ERBB4: variants seen among roughly 807,000 people sequenced by gnomAD.
ERBB4 encodes receptor tyrosine-protein kinase erbB-4.
ERBB4 carries 42 observed loss-of-function variants against 158.0 expected under a neutral mutation model. That is an observed-to-expected ratio of 0.27 (90% CI 0.21 to 0.34). ERBB4 has a LOEUF of 0.34. Among genes scored for constraint, ERBB4 ranks in the 10% least tolerant of loss-of-function variants. The pLI, the probability that ERBB4 is intolerant of heterozygous loss-of-function variation, is 1.00. For missense variants in ERBB4, 1,333 were observed against 1,624.1 expected (o/e 0.82, Z 3.08); for synonymous variants, 583 against 558.7 (o/e 1.04, Z -0.61).
intron 10 of ERBB4, among the ~76,000 whole-genome samples, chr2:211,704,833 A>G (rs1017699185): frequency 3.9e-5 from 6 of 152,332 alleles, no homozygotes; most frequent in African/African-American, 1.2e-4. Context: ...GGCTTTCAAA[A>G]TGTGCATAAA....
At chr2:211,580,795 T>C (rs1310412069) in intron 19 of ERBB4, among the ~76,000 whole-genome samples, 1 of 66,568 alleles carries the variant, frequency 1.5e-5, no homozygotes, top group African/African-American at 1.5e-4. Context: ...GTGATATATA[T>C]ATATATATAT....
At chr2:212,152,380 A>G (rs893902632) in intron 1 of ERBB4, among the ~76,000 whole-genome samples, 2 of 152,202 alleles carry the variant, frequency 1.3e-5, no homozygotes, top group Non-Finnish European at 2.9e-5. Flanking sequence ...CCAGGACTCT[A>G]ATGAATATTA....
At chr2:212,361,127 G>T (rs1261627904) in intron 1 of ERBB4, among the ~76,000 whole-genome samples, 2 of 151,544 alleles carry the variant, frequency 1.3e-5, no homozygotes, top group Admixed American at 6.6e-5. Context: ...GGTCCATAAA[G>T]AATTTGAACC....
intron 3 of ERBB4, among the ~76,000 whole-genome samples, chr2:211,871,330 T>G (rs888568514): frequency 3.9e-5 from 6 of 152,026 alleles, no homozygotes; most frequent in African/African-American, 1.5e-4. Flanking sequence ...AAAATCTATT[T>G]CTAAAATAAA....
At chr2:211,878,658 T>TTTTTG (rs67064030) in intron 3 of ERBB4, among the ~76,000 whole-genome samples, 19 of 21,884 alleles carry the variant, frequency 8.7e-4, no homozygotes, top group Non-Finnish European at 1.6e-3. Flanking sequence ...TTAAGTTTTG[T>TTTTTG]TTTTTTTTTT....
At chr2:212,260,534 T>A (rs998107497) in intron 1 of ERBB4, among the ~76,000 whole-genome samples, 3 of 152,228 alleles carry the variant, frequency 2.0e-5, no homozygotes, top group South Asian at 4.1e-4. Context: ...AAGTAGGCCC[T>A]CTGCGCAGTG....
intron 20 of ERBB4, among the ~76,000 whole-genome samples, chr2:211,449,477 T>C (rs552884674): frequency 1.6e-4 from 25 of 152,220 alleles, no homozygotes; most frequent in Non-Finnish European, 3.1e-4. Context: ...AATGTGCTAA[T>C]TGTTCTTTTC....
intron 16 of ERBB4, among the ~76,000 whole-genome samples, chr2:211,642,215 T>G (rs2070621830): frequency 6.6e-6 from 1 of 152,120 alleles, no homozygotes; most frequent in South Asian, 2.1e-4. Flanking sequence ...AGTCTCTGTC[T>G]CTTCACTAAA....
rs12471583 is a variant in ERBB4 at position 211,379,993 on chromosome 2, T to C, written c.*3622A>G. ...GTAAGTATGCACAATCTTCATGCCA[T>C]GTCTTTCCTTTAGAAGGTATTAGCT... On this transcript the variant is annotated 3_prime_UTR_variant, in exon 28 of 28. Coordinates refer to ENST00000342788, the MANE Select transcript of ERBB4 (RefSeq NM_005235.3). 0.27 allele frequency: 62,921 copies of C among 231,682 alleles called. 9,286 individuals are homozygous for C. The highest frequency in any genetic ancestry group is 0.49 in the South Asian group (2,716 of 5,500). 14.4% of individuals were successfully genotyped at this position (231,682 alleles called of 1,614,324 possible). A position where few individuals can be genotyped will look rare whatever the true frequency, so the allele number is the denominator to read the frequency against.
Position 211,699,765 on chromosome 2 carries a change from T to C in ERBB4, c.1489+2202A>G, listed in dbSNP as rs79452694. 8.3e-4 allele frequency among the ~76,000 whole-genome samples: 126 copies of C among 152,278 alleles called. 2 individuals carry two copies. The East Asian group carries it at 0.022, about 27-fold the overall frequency. On this transcript the variant is annotated intron_variant, in intron 12 of 27. Coordinates refer to ENST00000342788, the MANE Select transcript of ERBB4 (RefSeq NM_005235.3). ...AATCCAAGAAGCATAACACTGAAAGTTTAAACACATTTTATATTTTAGCTT... is the reference window on the plus strand; with the variant it reads ...AATCCAAGAAGCATAACACTGAAAGCTTAAACACATTTTATATTTTAGCTT...
intron 2 of ERBB4, among the ~76,000 whole-genome samples, chr2:212,101,706 C>T (rs935748784): frequency 2.6e-5 from 4 of 151,840 alleles, no homozygotes; most frequent in African/African-American, 9.7e-5. Flanking sequence ...AAACATTGTT[C>T]AAGGCCAAGA....
intron 25 of ERBB4, among the ~76,000 whole-genome samples, chr2:211,415,695 A>ATAAAG (rs1461176440): frequency 6.6e-6 from 1 of 152,214 alleles, no homozygotes; most frequent in Non-Finnish European, 1.5e-5. Context: ...ATGGTGTAAA[A>ATAAAG]TAAAGTAGAG....
intron 1 of ERBB4, among the ~76,000 whole-genome samples, chr2:212,240,547 C>T (rs932592560): frequency 2.2e-5 from 3 of 139,188 alleles, no homozygotes; most frequent in East Asian, 2.3e-4. Context: ...GCAGGAGAAT[C>T]GTTTGAACCC....
At chr2:211,708,723 T>C (rs1335782815) in intron 9 of ERBB4, among the ~76,000 whole-genome samples, 4 of 152,018 alleles carry the variant, frequency 2.6e-5, no homozygotes, top group Non-Finnish European at 5.9e-5. Context: ...TGCCAGGCAC[T>C]GGGCTGAGCA....
chr2:212,329,952 A>G (rs1030725195), intron 1 of ERBB4, among the ~76,000 whole-genome samples: 3 of 152,090 alleles, frequency 2.0e-5, no homozygotes, highest in Admixed American at 6.6e-5. Flanking sequence ...GTTCTAAAAG[A>G]GTCCACTGAA....
chr2:212,217,537 T>TA (rs1463243781), intron 1 of ERBB4, among the ~76,000 whole-genome samples: 1 of 151,192 alleles, frequency 6.6e-6, no homozygotes, highest in African/African-American at 2.4e-5. Context: ...GCTATGTCTC[T>TA]AGAGGGTAGC....
intron 2 of ERBB4, among the ~76,000 whole-genome samples, chr2:212,003,208 AGAAAGAAGGAAG>A (rs1179662064): frequency 3.5e-4 from 13 of 36,692 alleles, no homozygotes; most frequent in African/African-American, 6.3e-4. Flanking sequence ...AAAGAAAGAC[AGAAAGAAGGAAG>A]GAAGGAAGGA....
intron 4 of ERBB4, among the ~76,000 whole-genome samples, chr2:211,781,554 T>C (rs1299549269): frequency 1.3e-5 from 2 of 152,214 alleles, no homozygotes; most frequent in Non-Finnish European, 1.5e-5. Flanking sequence ...GACAACCTTC[T>C]AGTTACTAAA....
At chr2:211,813,957 A>T (rs1197423860) in intron 3 of ERBB4, among the ~76,000 whole-genome samples, 3 of 152,154 alleles carry the variant, frequency 2.0e-5, no homozygotes, top group Admixed American at 1.3e-4. Context: ...TAAAATGCCA[A>T]ATATTGAAAA....
Sources: allele counts gnomAD v4.1 joint callset (sites outside exome capture counted in the v4.1 genomes callset), GRCh38; gene constraint gnomAD v4.1.1; transcripts MANE v1.5; gene names NCBI Gene and HGNC (gene_info 2026-07-23, HGNC 2026-07-21).